TRIM2: variants seen among roughly 807,000 people sequenced by gnomAD.
TRIM2 encodes tripartite motif-containing protein 2.
A neutral mutation model predicts 75.2 loss-of-function variants in TRIM2; 20 were observed. The observed-to-expected ratio is 0.27, with a 90% CI of 0.19 to 0.39. The LOEUF is 0.39. TRIM2 is among the 10% of genes least tolerant of loss of function. The probability of loss-of-function intolerance (pLI) is 1.00; values close to 1 mark genes in which losing one functional copy is unlikely to be tolerated. For missense variants in TRIM2, 660 were observed against 990.8 expected (o/e 0.67, Z 4.48); for synonymous variants, 373 against 388.3 (o/e 0.96, Z 0.46).
chr4:153,192,359 C>T (rs1446871427), intron 1 of TRIM2, among the ~76,000 whole-genome samples: 4 of 152,162 alleles, frequency 2.6e-5, no homozygotes, highest in African/African-American at 4.8e-5. Flanking sequence ...CTAATCCCAA[C>T]ACTTTGGGAG....
intron 1 of TRIM2, among the ~76,000 whole-genome samples, chr4:153,252,287 G>C (rs1463227044): frequency 6.6e-5 from 10 of 152,134 alleles, no homozygotes; most frequent in Admixed American, 6.5e-4. Flanking sequence ...CTCTGGAGTT[G>C]CCTGATTACT....
At chr4:153,186,826 A>G (rs1732647970) in intron 1 of TRIM2, among the ~76,000 whole-genome samples, 1 of 152,188 alleles carries the variant, frequency 6.6e-6, no homozygotes, top group Non-Finnish European at 1.5e-5. Flanking sequence ...GAATATGAGA[A>G]AAAAAACAAG....
At chr4:153,302,885 A>G (rs760013479) in intron 6 of TRIM2, among the ~76,000 whole-genome samples, 5 of 152,184 alleles carry the variant, frequency 3.3e-5, no homozygotes, top group Admixed American at 6.5e-5. Flanking sequence ...TATAATTCCC[A>G]AAAAATACAC....
In TRIM2 at chr4:153,258,387, G is replaced by A. The variant is rs1752592863; in HGVS notation, c.31-11948G>A. Among the ~76,000 whole-genome samples the A allele has an allele frequency of 2.0e-5, 3 of 151,088 alleles. No homozygotes were observed. The South Asian group carries it at 6.3e-4, about 32-fold the overall frequency. ...TGGAGCTCAATGATAGCATTACACA[G>A]GGAAAAGAAAAAAAGAAAAAAAAAA... On this transcript the variant is annotated intron_variant, in intron 1 of 11. Coordinates refer to ENST00000338700, the MANE Select transcript of TRIM2 (RefSeq NM_015271.5).
intron 11 of TRIM2, among the ~76,000 whole-genome samples, chr4:153,331,428 T>G (rs1771463064): frequency 6.6e-6 from 1 of 152,190 alleles, no homozygotes; most frequent in Admixed American, 6.5e-5. Context: ...AAATATATAC[T>G]TAGATATTAT....
At chr4:153,311,611 G>T (rs116871642) in intron 6 of TRIM2, among the ~76,000 whole-genome samples, 2,168 of 151,980 alleles carry the variant, frequency 0.014, 43 homozygotes, top group East Asian at 0.073. Flanking sequence ...TTTTATATAA[G>T]CAAGAATCTA....
chr4:153,213,567 G>A (rs188068433), intron 1 of TRIM2, among the ~76,000 whole-genome samples: 35 of 151,850 alleles, frequency 2.3e-4, no homozygotes, highest in African/African-American at 7.0e-4. Flanking sequence ...TCGCTCTGTC[G>A]CCCAGGCTGG....
chr4:153,170,821 CA>C (rs1248179844), intron 1 of TRIM2, among the ~76,000 whole-genome samples: 1 of 152,158 alleles, frequency 6.6e-6, no homozygotes, highest in Non-Finnish European at 1.5e-5. Context: ...GAGAAAGGGA[CA>C]CCTTTTTCTA....
rs1733194100 is a variant in TRIM2 at position 153,191,592 on chromosome 4, G to T, written c.-49+38322G>T. Among the ~76,000 whole-genome samples the T allele has an allele frequency of 1.3e-5, 2 of 152,236 alleles. 1 individual carries two copies. Among genetic ancestry groups the T allele is most frequent in the South Asian group, 4.1e-4 (2 of 4,838 alleles). On this transcript the variant is annotated intron_variant, in intron 1 of 11. Transcript: ENST00000437508. ...TCTGTGCTTTCAGAAAATGTACCCA[G>T]ATTTTTTGTTCTTAGGCACAATTCT...
intron 1 of TRIM2, among the ~76,000 whole-genome samples, chr4:153,169,650 C>T (rs1560781915): frequency 6.6e-6 from 1 of 151,412 alleles, no homozygotes. Flanking sequence ...TACTAAAAAA[C>T]AAAAAAAATT....
chr4:153,260,351 T>C (rs1244919213), intron 1 of TRIM2, among the ~76,000 whole-genome samples: 3 of 152,118 alleles, frequency 2.0e-5, no homozygotes, highest in African/African-American at 7.2e-5. Context: ...TGAATGTCTA[T>C]TAGCCTGACC....
upstream of TRIM2, among the ~76,000 whole-genome samples, chr4:153,200,705 C>T (rs910142255): frequency 1.6e-5 from 2 of 121,220 alleles, no homozygotes; most frequent in South Asian, 5.2e-4. Context: ...TGTTTTCTTC[C>T]TTTTTAGTAA....
At chr4:153,171,167 G>A (rs189258553) in intron 1 of TRIM2, among the ~76,000 whole-genome samples, 6 of 152,278 alleles carry the variant, frequency 3.9e-5, no homozygotes, top group Non-Finnish European at 8.8e-5. Context: ...TCCATGCCCA[G>A]GTGGCCAAAT....
At chr4:153,325,131 A>C (rs1303675236) in intron 10 of TRIM2, among the ~76,000 whole-genome samples, 2 of 152,200 alleles carry the variant, frequency 1.3e-5, no homozygotes, top group African/African-American at 4.8e-5. Context: ...GATAAGGGGT[A>C]GGTTTTTTAA....
chr4:153,285,809 C>A (rs1760500498), intron 3 of TRIM2, among the ~76,000 whole-genome samples: 1 of 151,922 alleles, frequency 6.6e-6, no homozygotes, highest in Admixed American at 6.6e-5. Context: ...TATATAAGAT[C>A]ATGTCATCTC....
rs1049181403 is a variant in TRIM2, at chr4:153,338,718, T to C, written c.*3752T>C. 2.0e-6 allele frequency: 2 copies of C among 985,742 alleles called. No homozygotes were observed. Among genetic ancestry groups the C allele is most frequent in the African/African-American group, 1.7e-5 (1 of 57,248 alleles). The allele number at this position is 985,742 out of a possible 1,614,324, so 61.1% of individuals were successfully genotyped here. ...TGTGTGGCAGTGATTGGTCTGTTTG[T>C]GGAGAATGTATGAAAGCTATTAATA... On this transcript the variant is annotated 3_prime_UTR_variant, in exon 12 of 12. Transcript: ENST00000338700.
chr4:153,188,299 A>G lies in TRIM2; in HGVS notation c.-49+35029A>G, dbSNP rs888195545. On this transcript the variant is annotated intron_variant, in intron 1 of 11. Transcript: ENST00000437508. The stretch of plus-strand genomic sequence containing the variant: ...ACATGGTGAAACGCCTTCTCTACAA[A>G]AAATACAGAAGTTAGTGGGGCATGG... 5.9e-5 allele frequency among the ~76,000 whole-genome samples: 9 copies of G among 152,152 alleles called. No individual in the cohort carries two copies. The East Asian group carries it at 1.5e-3, about 26-fold the overall frequency.
chr4:153,204,522 T>C lies in TRIM2; in HGVS notation c.-9T>C. On this transcript the variant is annotated 5_prime_UTR_variant, in exon 1 of 12. Transcript: ENST00000338700. ...TCCCCAGATTGGAGGAGGCTGGCTC[T>C]GGTCTTCGATGCACAGGAGTGGCCG... 1 of 1,551,732 alleles carries C rather than the reference T, an allele frequency of 6.4e-7. No homozygotes were observed. The highest frequency in any genetic ancestry group is 8.7e-7 in the Non-Finnish European group (1 of 1,147,004).
chr4:153,167,489 A>G (rs1020622593), intron 1 of TRIM2, among the ~76,000 whole-genome samples: 1 of 152,232 alleles, frequency 6.6e-6, no homozygotes, highest in East Asian at 1.9e-4. Flanking sequence ...TTATATTACA[A>G]AAAGATCAAA....
Sources: allele counts gnomAD v4.1 joint callset (sites outside exome capture counted in the v4.1 genomes callset), GRCh38; gene constraint gnomAD v4.1.1; transcripts MANE v1.5; gene names NCBI Gene and HGNC (gene_info 2026-07-23, HGNC 2026-07-21).